Variants in CAPN1 observed in about 807,000 individuals in gnomAD.
CAPN1 encodes calpain-1 catalytic subunit.
In CAPN1, 77 loss-of-function variants were observed where a neutral mutation model predicts 105.2. The ratio of observed to expected loss-of-function variants is 0.73; its 90% confidence interval spans 0.61 to 0.88. CAPN1 has a LOEUF of 0.88. CAPN1 is among the 40% of genes least tolerant of loss of function. CAPN1 has a pLI of 0.00. For synonymous variants in CAPN1, 355 were observed against 388.8 expected (o/e 0.91, Z 1.02); for missense variants, 833 against 976.6 (o/e 0.85, Z 1.96).
Position 65,208,491 on chromosome 11 carries a change from G to A in CAPN1, c.1729+229G>A, listed in dbSNP as rs527442960. On this transcript the variant is annotated intron_variant, in intron 16 of 21. Transcript: ENST00000279247. This position sits in a 1 kb window ranked among gnomAD's most constrained non-coding sequence, Gnocchi z 4.1. ...GCTGTGCCTTTGTGGGATTAGCAGC[G>A]CAGCCTGGCCAGGCACAGTGGCTCA... is the stretch of plus-strand genomic sequence containing the variant. The A allele has an allele frequency of 2.3e-4, 137 of 594,146 alleles. No individual in the cohort carries two copies. In the South Asian group the frequency reaches 2.4e-3, roughly 10 times the overall value. 36.8% of individuals were successfully genotyped at this position (594,146 alleles called of 1,614,324 possible). A position where few individuals can be genotyped will look rare whatever the true frequency, so the allele number is the denominator to read the frequency against.
chr11:65,188,230 G>A lies in CAPN1; in HGVS notation c.930-184G>A. 1 of 681,692 alleles carries A rather than the reference G, an allele frequency of 1.5e-6. No homozygotes were observed. The highest frequency in any genetic ancestry group is 2.5e-6 in the Non-Finnish European group (1 of 404,212). The allele number at this position is 681,692 out of a possible 1,614,324, so 42.2% of individuals were successfully genotyped here. On this transcript the variant is annotated intron_variant, in intron 8 of 21. Coordinates refer to ENST00000279247, the MANE Select transcript of CAPN1 (RefSeq NM_005186.4). The surrounding 1 kb of genome is among the most constrained non-coding windows in gnomAD (Gnocchi z 5.5). ...GCGGGCCCCTGTGCCCAGCCGTCGG[G>A]TGTGTGCAGGGCATCAGACTGGCCC...
At chr11:65,202,310 A>T (rs1440799848) in intron 10 of CAPN1, among the ~76,000 whole-genome samples, 1 of 152,158 alleles carries the variant, frequency 6.6e-6, no homozygotes, top group Non-Finnish European at 1.5e-5. Context: ...TCTATTTTTT[A>T]AAAATATCTT....
At chr11:65,205,669 A>G in intron 11 of CAPN1, 41 bp from the exon 12 acceptor site, 1 of 1,611,058 alleles carries the variant, frequency 6.2e-7, no homozygotes, top group Non-Finnish European at 8.5e-7. Context: ...CCGCCCTGGG[A>G]CAAACACACA....
At chr11:65,190,774 G>A (rs946094853) in intron 10 of CAPN1, among the ~76,000 whole-genome samples, 25 of 151,134 alleles carry the variant, frequency 1.7e-4, no homozygotes, top group African/African-American at 5.1e-4. Flanking sequence ...GTGCAGTGGC[G>A]CGATCTCGGC....
At position 65,201,186 on chromosome 11, in the gene CAPN1, C is replaced by T. The variant is rs956697487; in HGVS notation, c.1166-3497C>T. On this transcript the variant is annotated intron_variant, in intron 10 of 21. Coordinates refer to ENST00000279247, the MANE Select transcript of CAPN1 (RefSeq NM_005186.4). Reference sequence around the variant, plus strand: ...GTCTTGATCTCCTGACCTCATGATCCGCCCATCTTGGCCTCCCAAAGTGCT... The same window carrying T: ...GTCTTGATCTCCTGACCTCATGATCTGCCCATCTTGGCCTCCCAAAGTGCT... Among the ~76,000 whole-genome samples, 4 of 151,504 alleles carry T rather than the reference C, an allele frequency of 2.6e-5. No individual in the cohort carries two copies. In the East Asian group the frequency reaches 5.9e-4, roughly 22 times the overall value.
In CAPN1 at chr11:65,183,207, C is replaced by G. The variant is rs748437197; in HGVS notation, c.337+10C>G. The G allele has an allele frequency of 6.8e-6, 11 of 1,613,408 alleles. No homozygotes were observed. The highest frequency in any genetic ancestry group is 1.3e-5 in the African/African-American group (1 of 74,904). On this transcript the variant is annotated intron_variant, in intron 3 of 21. Transcript: ENST00000279247. Reference sequence around the variant, plus strand: ...TGCCAGGGAGCACTGGGTAGGCCCCCAGGGCGTCGGGTCCCGGGTATTTTT... The same window carrying G: ...TGCCAGGGAGCACTGGGTAGGCCCCGAGGGCGTCGGGTCCCGGGTATTTTT...
intron 4 of CAPN1, 184 bp downstream of exon 4, chr11:65,183,776 C>A: frequency 1.7e-6 from 1 of 575,100 alleles, no homozygotes; most frequent in Non-Finnish European, 3.1e-6. Flanking sequence ...GGTATTTCGG[C>A]TGGCAGTTTT....
In CAPN1 at chr11:65,211,673, A is replaced by C; in HGVS notation, c.*387A>C. ...CCTTGCCTGCAGACTATAAACTATA[A>C]CCACTAGCTCGACACAGTCTGCAGT... On this transcript the variant is annotated 3_prime_UTR_variant, in exon 22 of 22. Coordinates refer to ENST00000279247, the MANE Select transcript of CAPN1 (RefSeq NM_005186.4). 1 of 269,530 alleles carries C rather than the reference A, an allele frequency of 3.7e-6. No individual in the cohort carries two copies. The highest frequency in any genetic ancestry group is 7.3e-6 in the Non-Finnish European group (1 of 136,098). 16.7% of individuals were successfully genotyped at this position (269,530 alleles called of 1,614,324 possible). A position where few individuals can be genotyped will look rare whatever the true frequency, so the allele number is the denominator to read the frequency against.
chr11:65,182,456 G>T, intron 1 of CAPN1: 1 of 513,370 alleles, frequency 1.9e-6, no homozygotes. Context: ...GCAAGCCCCT[G>T]ACAATGGGAT....
Position 65,211,319 on chromosome 11 carries a change from C to A in CAPN1, c.*33C>A. ...ACTCGGTCCCCCTTGCCGTGCTCCC[C>A]TCCCTCCTCGTCTGCCAAGCCTCGC... On this transcript the variant is annotated 3_prime_UTR_variant, in exon 22 of 22. Coordinates refer to ENST00000279247, the MANE Select transcript of CAPN1 (RefSeq NM_005186.4). 6.2e-7 allele frequency: 1 copy of A among 1,608,560 alleles called. No individual in the cohort carries two copies.
intron 10 of CAPN1, among the ~76,000 whole-genome samples, chr11:65,190,526 G>A (rs1948703382): frequency 6.6e-6 from 1 of 152,100 alleles, no homozygotes; most frequent in Admixed American, 6.6e-5. Context: ...AGCAGCACTA[G>A]CGCCCTCAAG....
In CAPN1 at chr11:65,195,968, T is replaced by C. The variant is rs191665073; in HGVS notation, c.1165+7222T>C. Among the ~76,000 whole-genome samples, 284 of 152,220 alleles carry C rather than the reference T, an allele frequency of 1.9e-3. 3 individuals carry two copies. Among genetic ancestry groups the C allele is most frequent in the African/African-American group, 6.6e-3 (273 of 41,584 alleles). ...GGTCAGTTTTGGTGCTTTGTTTCTT[T>C]CTAGGAATTTGTTCTTTTTGTCTAT... On this transcript the variant is annotated intron_variant, in intron 10 of 21. Coordinates refer to ENST00000279247, the MANE Select transcript of CAPN1 (RefSeq NM_005186.4).
intron 10 of CAPN1, among the ~76,000 whole-genome samples, chr11:65,194,518 T>C (rs955517086): frequency 1.3e-5 from 2 of 152,210 alleles, no homozygotes; most frequent in Non-Finnish European, 2.9e-5. Flanking sequence ...TGTGTAAGCA[T>C]TGCCGTTATC....
intron 10 of CAPN1, among the ~76,000 whole-genome samples, chr11:65,189,082 A>G (rs955007327): frequency 2.1e-4 from 32 of 151,778 alleles, no homozygotes; most frequent in African/African-American, 7.7e-4. Context: ...GGAGTGCAGT[A>G]GCGTGGCCTT....
Position 65,210,720 on chromosome 11 carries a change from A to C in CAPN1, c.2060-94A>C. 1 of 994,012 alleles carries C rather than the reference A, an allele frequency of 1.0e-6. No homozygotes were observed. The highest frequency in any genetic ancestry group is 1.6e-6 in the Non-Finnish European group (1 of 615,410). The allele number at this position is 994,012 out of a possible 1,614,324, so 61.6% of individuals were successfully genotyped here. The stretch of plus-strand genomic sequence containing the variant: ...TCAGCTTGCGGTACTGTGGGGAGGT[A>C]GAGAGGGACCAGGCAGGAAGGGGGC... On this transcript the variant is annotated intron_variant, in intron 20 of 21. Coordinates refer to ENST00000279247, the MANE Select transcript of CAPN1 (RefSeq NM_005186.4). The surrounding 1 kb of genome is among the most constrained non-coding windows in gnomAD (Gnocchi z 4.3).
rs1312829982 is a variant in CAPN1, at chr11:65,210,950, C to G, written c.2118+78C>G. ...TTCTTATCTGGCCAGTGTTCCCTGT[C>G]CTTTCCTGGAAATGAGCCTGGGCCT... On this transcript the variant is annotated intron_variant, in intron 21 of 21. Coordinates refer to ENST00000279247, the MANE Select transcript of CAPN1 (RefSeq NM_005186.4). The surrounding 1 kb of genome is among the most constrained non-coding windows in gnomAD (Gnocchi z 4.3). 7.8e-7 allele frequency: 1 copy of G among 1,280,406 alleles called. No homozygotes were observed. Among genetic ancestry groups the G allele is most frequent in the Non-Finnish European group, 1.1e-6 (1 of 877,284 alleles). 79.3% of individuals were successfully genotyped at this position (1,280,406 alleles called of 1,614,324 possible). A position where few individuals can be genotyped will look rare whatever the true frequency, so the allele number is the denominator to read the frequency against.
At chr11:65,183,806 C>T (rs1333551881) in intron 4 of CAPN1, 2 of 563,388 alleles carry the variant, frequency 3.5e-6, no homozygotes, top group Non-Finnish European at 6.4e-6. Flanking sequence ...TTGTATGTAT[C>T]AGGTGGAAAG....
At chr11:65,186,785 C>T (rs942907646) in intron 6 of CAPN1, among the ~76,000 whole-genome samples, 4 of 152,184 alleles carry the variant, frequency 2.6e-5, no homozygotes, top group Admixed American at 2.6e-4. Context: ...AGACTTGACC[C>T]CAGTATCACT....
upstream of CAPN1, chr11:65,181,502 G>C (rs1028274657): frequency 6.7e-6 from 2 of 299,126 alleles, no homozygotes; most frequent in African/African-American, 4.7e-5. The surrounding 1 kb of genome is among the most constrained non-coding windows in gnomAD (Gnocchi z 4.6). Context: ...GGCGGGCCCG[G>C]GGCTGCGGGA....
Sources: gnomAD v4.1 joint callset for allele counts (sites outside exome capture counted in the v4.1 genomes callset) on GRCh38, gnomAD v4.1.1 for gene constraint, Gnocchi (gnomAD v3.1) non-coding constraint, MANE v1.5 for transcripts, NCBI Gene and HGNC (gene_info 2026-07-23, HGNC 2026-07-21) for gene names.